Variants in ARL15 observed in about 807,000 individuals in gnomAD.
The protein encoded by ARL15 is ARF like GTPase 15.
A neutral mutation model predicts 25.2 loss-of-function variants in ARL15; 19 were observed. That is an observed-to-expected ratio of 0.75 (90% confidence interval 0.53 to 1.10). The LOEUF is 1.10. Ranked by LOEUF, ARL15 falls within the 50% of genes least tolerant of loss-of-function variation. ARL15 has a pLI of 0.00. For synonymous variants in ARL15, 94 were observed against 86.8 expected (o/e 1.08, Z -0.46); for missense variants, 220 against 246.0 (o/e 0.89, Z 0.71).
intron 1 of ARL15, among the ~76,000 whole-genome samples, chr5:54,247,370 G>A (rs1163939679): frequency 6.6e-6 from 1 of 151,952 alleles, no homozygotes. Flanking sequence ...TTTATAGTCG[G>A]CTTTGGATAA....
chr5:54,166,917 T>C (rs154022), intron 2 of ARL15, among the ~76,000 whole-genome samples: 68,618 of 151,946 alleles, frequency 0.45, 16,134 homozygotes, highest in East Asian at 0.83. Flanking sequence ...GTGATGAATA[T>C]TTTTTCTTTA....
intron 4 of ARL15, among the ~76,000 whole-genome samples, chr5:54,069,549 A>C (rs1434940126): frequency 8.1e-6 from 1 of 122,924 alleles, no homozygotes; most frequent in African/African-American, 2.9e-5. Context: ...TGACAACAGC[A>C]AAACGTCTCA....
intron 4 of ARL15, among the ~76,000 whole-genome samples, chr5:54,084,874 T>TA (rs1751915187): frequency 6.6e-6 from 1 of 152,202 alleles, no homozygotes. Context: ...TCTTGGAACC[T>TA]ACTAAAGGGA....
intron 3 of ARL15, among the ~76,000 whole-genome samples, chr5:54,123,062 T>C (rs1753133690): frequency 6.6e-6 from 1 of 151,980 alleles, no homozygotes; most frequent in Non-Finnish European, 1.5e-5. Flanking sequence ...GTCTCATTTT[T>C]ATATAGTCTA....
At chr5:53,907,303 T>C (rs992657385) in intron 4 of ARL15, among the ~76,000 whole-genome samples, 2 of 151,444 alleles carry the variant, frequency 1.3e-5, no homozygotes, top group Admixed American at 6.6e-5. Context: ...CCTACTGATA[T>C]ATGACACATA....
chr5:54,091,058 A>G (rs568460958), intron 4 of ARL15, among the ~76,000 whole-genome samples: 35 of 152,320 alleles, frequency 2.3e-4, no homozygotes, highest in African/African-American at 8.2e-4. Flanking sequence ...AACCAGAGGA[A>G]TCTACTTTCA....
At chr5:54,061,938 G>C (rs903167501) in intron 4 of ARL15, among the ~76,000 whole-genome samples, 4 of 152,164 alleles carry the variant, frequency 2.6e-5, no homozygotes, top group Non-Finnish European at 5.9e-5. Context: ...GAGGGAGGCT[G>C]TACCCTGCAA....
At chr5:54,181,011 A>T (rs1042580951) in intron 1 of ARL15, among the ~76,000 whole-genome samples, 9 of 152,108 alleles carry the variant, frequency 5.9e-5, no homozygotes, top group Non-Finnish European at 1.0e-4. Context: ...GGCTTTCAAG[A>T]GTCTCGGTAT....
intron 4 of ARL15, among the ~76,000 whole-genome samples, chr5:54,030,610 G>C (rs1749950618): frequency 6.6e-6 from 1 of 152,178 alleles, no homozygotes; most frequent in African/African-American, 2.4e-5. Context: ...TAATTCAAAG[G>C]TCCCGAGGCA....
chr5:53,885,860 C>T lies in ARL15; in HGVS notation c.*701G>A, dbSNP rs891547279. 6.6e-6 allele frequency: 1 copy of T among 151,958 alleles called. No individual in the cohort carries two copies. Among genetic ancestry groups the T allele is most frequent in the Non-Finnish European group, 1.5e-5 (1 of 67,992 alleles). The allele number at this position is 151,958 out of a possible 1,614,324, so 9.4% of individuals were successfully genotyped here. A position where few individuals can be genotyped will look rare whatever the true frequency, so the allele number is the denominator to read the frequency against. On this transcript the variant is annotated 3_prime_UTR_variant, in exon 5 of 5. Coordinates refer to ENST00000504924, the MANE Select transcript of ARL15 (RefSeq NM_019087.3). ...TACAGTCTGTGATGCATGCATTGTACCTAAATTTCCTCTAACCACTCTCAG... is the reference window on the plus strand; with the variant it reads ...TACAGTCTGTGATGCATGCATTGTATCTAAATTTCCTCTAACCACTCTCAG...
chr5:53,963,283 C>G (rs1747429121), intron 4 of ARL15, among the ~76,000 whole-genome samples: 1 of 152,120 alleles, frequency 6.6e-6, no homozygotes, highest in South Asian at 2.1e-4. Flanking sequence ...CTTTTGCAGA[C>G]TTTGGCATGG....
In ARL15 at chr5:54,122,217, C is replaced by T. The variant is rs143444856; in HGVS notation, c.254-8807G>A. On this transcript the variant is annotated intron_variant, in intron 3 of 4. Coordinates refer to ENST00000504924, the MANE Select transcript of ARL15 (RefSeq NM_019087.3). ...ATTTTATAATCTCCAGTTTCTTCCT[C>T]CCTCATTGCTGTCTAGATTTCTTCC... is the stretch of plus-strand genomic sequence containing the variant. 7.6e-3 allele frequency among the ~76,000 whole-genome samples: 1,150 copies of T among 152,300 alleles called. 14 individuals are homozygous for T. Among genetic ancestry groups the T allele is most frequent in the Non-Finnish European group, 0.015 (989 of 68,024 alleles).
chr5:53,943,997 T>G (rs1267867065), intron 4 of ARL15, among the ~76,000 whole-genome samples: 3 of 152,128 alleles, frequency 2.0e-5, no homozygotes, highest in Non-Finnish European at 4.4e-5. Context: ...AGAAAGACAC[T>G]CATCTCAACT....
chr5:54,308,309 C>T lies in ARL15; in HGVS notation c.48+2123G>A, dbSNP rs189754207. 1.2e-3 allele frequency among the ~76,000 whole-genome samples: 182 copies of T among 152,284 alleles called. 1 individual carries two copies. Among genetic ancestry groups the T allele is most frequent in the Non-Finnish European group, 1.1e-3 (76 of 68,010 alleles). On this transcript the variant is annotated intron_variant, in intron 1 of 4. Coordinates refer to ENST00000504924, the MANE Select transcript of ARL15 (RefSeq NM_019087.3). ...AACTAAACTGTTTCCTTTAAGATTT[C>T]TTTTCTCACCTCCAAAGAGTAGCCA...
At chr5:54,113,132 T>C in intron 4 of ARL15, 70 bp downstream of exon 4, 1 of 1,473,406 alleles carries the variant, frequency 6.8e-7, no homozygotes, top group South Asian at 1.2e-5. Context: ...CATGCATTTT[T>C]CCAGGTTCCA....
intron 4 of ARL15, among the ~76,000 whole-genome samples, chr5:53,901,861 T>G (rs964254937): frequency 2.6e-5 from 4 of 152,244 alleles, no homozygotes; most frequent in Non-Finnish European, 4.4e-5. Context: ...AAGCTTAGAC[T>G]GGGATGGCTA....
chr5:54,070,159 G>A (rs898781265), intron 4 of ARL15, among the ~76,000 whole-genome samples: 2 of 151,458 alleles, frequency 1.3e-5, no homozygotes, highest in African/African-American at 4.8e-5. Flanking sequence ...GGGAGGCCGA[G>A]GCGGGTGGAT....
chr5:53,946,817 C>T (rs1746751387), intron 4 of ARL15, among the ~76,000 whole-genome samples: 1 of 152,150 alleles, frequency 6.6e-6, no homozygotes. Flanking sequence ...ACAGGAATCT[C>T]CTCAGACACA....
Position 54,166,047 on chromosome 5 carries a change from C to T in ARL15, c.193+5737G>A, listed in dbSNP as rs80297458. ...CCCAAACTACCCTTATAGAAATATCCAGACTAATGTCTGACTACATATTTG... is the reference window on the plus strand; with the variant it reads ...CCCAAACTACCCTTATAGAAATATCTAGACTAATGTCTGACTACATATTTG... On this transcript the variant is annotated intron_variant, in intron 2 of 4. Coordinates refer to ENST00000504924, the MANE Select transcript of ARL15 (RefSeq NM_019087.3). Among the ~76,000 whole-genome samples, 530 of 152,232 alleles carry T rather than the reference C, an allele frequency of 3.5e-3. 3 individuals are homozygous for T. Among genetic ancestry groups the T allele is most frequent in the Admixed American group, 7.3e-3 (111 of 15,288 alleles).
Sources: gnomAD v4.1 joint callset for allele counts (sites outside exome capture counted in the v4.1 genomes callset) on GRCh38, gnomAD v4.1.1 for gene constraint, MANE v1.5 for transcripts, NCBI Gene and HGNC (gene_info 2026-07-23, HGNC 2026-07-21) for gene names.